AGBL3: variants seen among roughly 807,000 people sequenced by gnomAD.
AGBL3 encodes the protein cytosolic carboxypeptidase 3.
A neutral mutation model predicts 94.5 loss-of-function variants in AGBL3; 68 were observed. The observed-to-expected ratio is 0.72, with a 90% CI of 0.59 to 0.88. The LOEUF is 0.88. AGBL3 is among the 40% of genes least tolerant of loss of function. The pLI is 0.00. For missense variants in AGBL3, 934 were observed against 1,103.8 expected, an observed-to-expected ratio of 0.85 and a Z score of 2.18; for synonymous variants, 354 against 370.7, an observed-to-expected ratio of 0.95 and a Z score of 0.52.
At chr7:135,046,861 A>G (rs942520843) in intron 11 of AGBL3, among the ~76,000 whole-genome samples, 4 of 152,054 alleles carry the variant, frequency 2.6e-5, no homozygotes, top group African/African-American at 9.7e-5. Flanking sequence ...GCTAGACTGT[A>G]TGGTAAGAAT....
intron 16 of AGBL3, among the ~76,000 whole-genome samples, chr7:135,116,597 C>G (rs776397843): frequency 6.6e-6 from 1 of 152,146 alleles, no homozygotes; most frequent in Non-Finnish European, 1.5e-5. Context: ...CAATGACACC[C>G]TGGGGGAGGA....
rs1050928984 is a variant in AGBL3 at position 134,988,006 on chromosome 7, T to C, written c.63+10T>C. On this transcript the variant is annotated intron_variant, in intron 2 of 16. Coordinates refer to ENST00000436302, the MANE Select transcript of AGBL3 (RefSeq NM_178563.4). ...TGATGAAGATGAATCGGTATGTTTT[T>C]CTCAACTTTATTTTACTTGGAGATA... 7 of 1,530,476 alleles carry C rather than the reference T, an allele frequency of 4.6e-6. No homozygotes were observed. The African/African-American group carries it at 9.7e-5, about 21-fold the overall frequency. 94.8% of individuals were successfully genotyped at this position (1,530,476 alleles called of 1,614,324 possible).
intron 11 of AGBL3, among the ~76,000 whole-genome samples, chr7:135,053,187 A>G (rs1411269390): frequency 1.3e-5 from 2 of 152,124 alleles, no homozygotes; most frequent in African/African-American, 4.8e-5. Flanking sequence ...AAGCAAGGCC[A>G]CACCAGAAGT....
chr7:135,059,309 CA>C (rs146909058), intron 12 of AGBL3, 74 bp downstream of exon 12: 421,716 of 872,834 alleles, frequency 0.48, 109,402 homozygotes, highest in South Asian at 0.65. Flanking sequence ...AATAATCAGG[CA>C]AAAAAAATTG....
At chr7:135,027,144 G>A (rs1490674447) in intron 5 of AGBL3, among the ~76,000 whole-genome samples, 1 of 151,490 alleles carries the variant, frequency 6.6e-6, no homozygotes, top group Non-Finnish European at 1.5e-5. Flanking sequence ...TACCTCCCAG[G>A]TTCAAGTGAT....
intron 11 of AGBL3, among the ~76,000 whole-genome samples, chr7:135,048,270 T>A (rs1185668091): frequency 2.6e-5 from 4 of 151,922 alleles, no homozygotes; most frequent in Non-Finnish European, 5.9e-5. Flanking sequence ...TAATTTGAAA[T>A]CAGAGAAAGT....
At position 135,028,689 on chromosome 7, in the gene AGBL3, G is replaced by C. The variant is rs572253382; in HGVS notation, c.419-4155G>C. On this transcript the variant is annotated intron_variant, in intron 5 of 16. Coordinates refer to ENST00000436302, the MANE Select transcript of AGBL3 (RefSeq NM_178563.4). ...TATTGGCATTTTTGCCTCCTCCCAT[G>C]AATTACTAGTGTTCTGAATGGCATC... Among the ~76,000 whole-genome samples the C allele has an allele frequency of 2.6e-5, 4 of 152,240 alleles. No homozygotes were observed. The South Asian group carries it at 8.3e-4, about 32-fold the overall frequency.
At chr7:135,044,003 A>G in intron 8 of AGBL3, 22 bp from the exon 9 acceptor site, 3 of 1,543,362 alleles carry the variant, frequency 1.9e-6, no homozygotes, top group Non-Finnish European at 2.6e-6. Context: ...AACGAGTCTC[A>G]TTTTTATTTG....
chr7:135,020,802 C>T (rs939639477), intron 5 of AGBL3, among the ~76,000 whole-genome samples: 4 of 151,088 alleles, frequency 2.6e-5, no homozygotes, highest in African/African-American at 4.9e-5. Flanking sequence ...AGCAAAGTAT[C>T]GCAAGGCCAA....
intron 5 of AGBL3, among the ~76,000 whole-genome samples, chr7:135,029,092 G>A (rs1331025815): frequency 6.6e-6 from 1 of 152,190 alleles, no homozygotes; most frequent in Non-Finnish European, 1.5e-5. Flanking sequence ...ATAGAGCACA[G>A]GCAGAATAGA....
At chr7:135,028,657 C>T (rs1268200765) in intron 5 of AGBL3, among the ~76,000 whole-genome samples, 1 of 152,152 alleles carries the variant, frequency 6.6e-6, no homozygotes, top group African/African-American at 2.4e-5. Context: ...TCCTAAACTT[C>T]TGTTAATATT....
intron 11 of AGBL3, among the ~76,000 whole-genome samples, chr7:135,047,469 C>T (rs1241903207): frequency 6.6e-6 from 1 of 151,938 alleles, no homozygotes; most frequent in African/African-American, 2.4e-5. Flanking sequence ...TTTTCAGTAG[C>T]AGCTGCACTG....
rs541350106 is a variant in AGBL3 at position 135,116,800 on chromosome 7, G to T, written c.2342+1189G>T. Among the ~76,000 whole-genome samples, 29 of 152,274 alleles carry T rather than the reference G, an allele frequency of 1.9e-4. No individual in the cohort carries two copies. The East Asian group carries it at 5.4e-3, about 28-fold the overall frequency. On this transcript the variant is annotated intron_variant, in intron 16 of 16. Transcript: ENST00000436302. ...CTGTGGTGCTTGGCTGGAGTACAGT[G>T]GTTATTGCCTAACATTTTCTATATC...
intron 4 of AGBL3, among the ~76,000 whole-genome samples, chr7:134,996,488 A>G (rs898862121): frequency 2.5e-5 from 1 of 39,648 alleles, no homozygotes; most frequent in Non-Finnish European, 7.7e-5. Context: ...GGACAGCCAG[A>G]ATTCCCCAGA....
chr7:135,066,825 G>A (rs557283368), intron 12 of AGBL3, among the ~76,000 whole-genome samples: 1 of 152,220 alleles, frequency 6.6e-6, no homozygotes, highest in Non-Finnish European at 1.5e-5. Flanking sequence ...GCAGAAGACA[G>A]GTGATTTCAG....
intron 3 of AGBL3, among the ~76,000 whole-genome samples, chr7:134,992,730 G>A (rs1563161345): frequency 6.6e-6 from 1 of 152,222 alleles, no homozygotes; most frequent in Non-Finnish European, 1.5e-5. Context: ...TGGTAAAAGG[G>A]AAGGAATCCA....
intron 12 of AGBL3, among the ~76,000 whole-genome samples, chr7:135,071,783 A>T (rs536826573): frequency 2.0e-5 from 3 of 152,366 alleles, no homozygotes; most frequent in South Asian, 4.1e-4. Flanking sequence ...AAAGACTTAA[A>T]TGTTAGACCT....
At position 135,057,363 on chromosome 7, in the gene AGBL3, C is replaced by T. The variant is rs148721421; in HGVS notation, c.1842-1806C>T. 1.7e-4 allele frequency among the ~76,000 whole-genome samples: 26 copies of T among 151,582 alleles called. No individual in the cohort carries two copies. The Middle Eastern group carries it at 0.014, about 79-fold the overall frequency. On this transcript the variant is annotated intron_variant, in intron 11 of 16. Transcript: ENST00000436302. ...TTTGGTAATGACTTTTTAGATATGA[C>T]AAAATCATGATCCATGAAAGAAAAA...
intron 12 of AGBL3, among the ~76,000 whole-genome samples, chr7:135,070,747 T>C (rs1184303874): frequency 6.6e-6 from 1 of 152,028 alleles, no homozygotes; most frequent in Non-Finnish European, 1.5e-5. Context: ...GAGCTATCTA[T>C]GACAAACCCA....
Sources: allele counts gnomAD v4.1 joint callset (sites outside exome capture counted in the v4.1 genomes callset), GRCh38; gene constraint gnomAD v4.1.1; transcripts MANE v1.5; gene names NCBI Gene and HGNC (gene_info 2026-07-23, HGNC 2026-07-21).